Variants in NBEAL1 observed in about 807,000 individuals in gnomAD.
NBEAL1 encodes the protein neurobeachin-like protein 1.
A neutral mutation model predicts 351.3 loss-of-function variants in NBEAL1; 273 were observed. The ratio of observed to expected loss-of-function variants is 0.78; its 90% CI spans 0.70 to 0.86. The LOEUF is 0.86. NBEAL1 is among the 40% of genes least tolerant of loss of function. The probability of loss-of-function intolerance (pLI) is 0.00; values close to 1 mark genes in which losing one functional copy is unlikely to be tolerated. For synonymous variants in NBEAL1, 1,050 were observed against 1,086.4 expected, an observed-to-expected ratio of 0.97 and a Z score of 0.66; for missense variants, 2,961 against 3,201.3, an observed-to-expected ratio of 0.92 and a Z score of 1.81.
chr2:203,099,172 A>T (rs571521125), intron 11 of NBEAL1, among the ~76,000 whole-genome samples: 1 of 151,848 alleles, frequency 6.6e-6, no homozygotes, highest in South Asian at 2.1e-4. Flanking sequence ...GCTACTCAGG[A>T]GGCTGAGGCA....
intron 4 of NBEAL1, among the ~76,000 whole-genome samples, chr2:203,053,078 C>T (rs2106081840): frequency 6.6e-6 from 1 of 152,252 alleles, no homozygotes; most frequent in East Asian, 1.9e-4. Context: ...AAGTTTTCAA[C>T]TCATTTAGGT....
intron 24 of NBEAL1, 60 bp from the exon 25 acceptor site, chr2:203,130,258 C>A: frequency 7.1e-7 from 1 of 1,411,688 alleles, no homozygotes; most frequent in Non-Finnish European, 9.3e-7. Flanking sequence ...GGCTTATGAC[C>A]TTATTTGTGC....
At chr2:203,169,999 C>A (rs933679691) in intron 39 of NBEAL1, 148 bp downstream of exon 39, 4 of 578,456 alleles carry the variant, frequency 6.9e-6, no homozygotes, top group African/African-American at 3.9e-5. Context: ...TCCTTTGTTT[C>A]CCTCACACAG....
chr2:203,064,730 C>T (rs1039006219), intron 6 of NBEAL1, among the ~76,000 whole-genome samples: 1 of 152,140 alleles, frequency 6.6e-6, no homozygotes, highest in Non-Finnish European at 1.5e-5. Flanking sequence ...ACACTGAATG[C>T]AATACCTGAC....
chr2:203,126,596 G>C lies in NBEAL1; in HGVS notation c.3025G>C (p.Val1009Leu). The change falls in exon 22 of 56, where the codon GTT becomes CTT. Residue 1009 changes from valine to leucine, a missense_variant. Val to Leu is a conservative substitution (Grantham distance 32). Coordinates refer to ENST00000683969, the MANE Select transcript of NBEAL1 (RefSeq NM_001378026.1). Reference protein sequence around the residue: ...TLMDVNVLMAVQLLIEQVSLE... With the variant: ...TLMDVNVLMALQLLIEQVSLE... ...GATGGATGTTAATGTGTTGATGGCA[G>C]TTCAGTTACTAATTGAACAAGTATC... The C allele has an allele frequency of 6.6e-7, 1 of 1,513,638 alleles. No homozygotes were observed. Among genetic ancestry groups the C allele is most frequent in the Non-Finnish European group, 8.8e-7 (1 of 1,131,438 alleles). The allele number at this position is 1,513,638 out of a possible 1,614,324, so 93.8% of individuals were successfully genotyped here. A position where few individuals can be genotyped will look rare whatever the true frequency, so the allele number is the denominator to read the frequency against.
intron 53 of NBEAL1, among the ~76,000 whole-genome samples, chr2:203,210,136 G>A (rs191926995): frequency 0.012 from 1,831 of 152,166 alleles, 15 homozygotes; most frequent in Non-Finnish European, 0.019. Context: ...GCTGAGGTGG[G>A]TGGATCACCT....
intron 51 of NBEAL1, 78 bp from the exon 52 acceptor site, chr2:203,208,559 T>A: frequency 2.1e-6 from 2 of 962,850 alleles, no homozygotes; most frequent in Admixed American, 4.3e-5. Context: ...GATTAGAAGG[T>A]TTAAATGCAA....
At chr2:203,063,836 G>A (rs977666825) in intron 6 of NBEAL1, among the ~76,000 whole-genome samples, 1 of 152,092 alleles carries the variant, frequency 6.6e-6, no homozygotes, top group Admixed American at 6.6e-5. Context: ...AAATTTATGA[G>A]TTCATACCAG....
At chr2:203,148,959 T>G in intron 33 of NBEAL1, 32 bp from the exon 34 acceptor site, 1 of 1,577,642 alleles carries the variant, frequency 6.3e-7, no homozygotes, top group Non-Finnish European at 8.6e-7. Context: ...AATATATGAG[T>G]CAATGACCTT....
chr2:203,029,268 G>A (rs1200456145), intron 2 of NBEAL1, among the ~76,000 whole-genome samples: 1 of 152,100 alleles, frequency 6.6e-6, no homozygotes, highest in Non-Finnish European at 1.5e-5. Context: ...GGGATTACAG[G>A]CATGAGCCCC....
chr2:203,223,334 A>G lies in NBEAL1; in HGVS notation c.*5980A>G, dbSNP rs2105869408. 6.6e-6 allele frequency among the ~76,000 whole-genome samples: 1 copy of G among 152,252 alleles called. No homozygotes were observed. Among genetic ancestry groups the G allele is most frequent in the Middle Eastern group, 3.4e-3 (1 of 292 alleles). ...GGTTTTCATGTTTCCTTGGAAACAT[A>G]TTTTGCAAATATAACAATAATAGTA... On this transcript the variant is annotated 3_prime_UTR_variant, in exon 56 of 56. Transcript: ENST00000683969.
intron 33 of NBEAL1, among the ~76,000 whole-genome samples, chr2:203,145,520 G>A (rs1020511658): frequency 6.6e-6 from 1 of 152,066 alleles, no homozygotes; most frequent in Non-Finnish European, 1.5e-5. Context: ...AGAAATGGCC[G>A]GGCGAGGTGG....
intron 2 of NBEAL1, 58 bp from the exon 3 acceptor site, chr2:203,041,707 A>G (rs1224847930): frequency 1.7e-5 from 20 of 1,181,344 alleles, no homozygotes; most frequent in Non-Finnish European, 2.4e-5. Context: ...ATAGGTGTAG[A>G]AGCATTTTTT....
chr2:203,114,068 C>G (rs1399765375), intron 17 of NBEAL1, among the ~76,000 whole-genome samples: 1 of 152,096 alleles, frequency 6.6e-6, no homozygotes, highest in Non-Finnish European at 1.5e-5. Flanking sequence ...GTGATCCGCC[C>G]ACCTCAGCCT....
intron 3 of NBEAL1, 89 bp downstream of exon 3, chr2:203,041,945 A>AT (rs1439590324): frequency 3.1e-5 from 26 of 831,270 alleles, no homozygotes; most frequent in Non-Finnish European, 4.8e-5. Flanking sequence ...AAGGATGGCA[A>AT]TTATGTTACC....
At chr2:203,065,004 TC>T in intron 6 of NBEAL1, among the ~76,000 whole-genome samples, 1 of 152,320 alleles carries the variant, frequency 6.6e-6, no homozygotes, top group East Asian at 1.9e-4. Flanking sequence ...ATGCCTGTAA[TC>T]CTAACACTTT....
intron 35 of NBEAL1, among the ~76,000 whole-genome samples, chr2:203,155,356 T>C (rs1363137374): frequency 6.6e-6 from 1 of 152,196 alleles, no homozygotes; most frequent in Admixed American, 6.5e-5. Context: ...GTCCTCACCT[T>C]GCTTCCATTG....
chr2:203,087,090 CTTTTTTTTTTTT>C (rs1003638123), intron 10 of NBEAL1, among the ~76,000 whole-genome samples: 8 of 121,050 alleles, frequency 6.6e-5, no homozygotes, highest in East Asian at 2.4e-4. Context: ...CTTTTTCACT[CTTTTTTTTTTTT>C]TTTTTTTTTT....
chr2:203,213,634 G>T lies in NBEAL1; in HGVS notation c.8051G>T (p.Gly2684Val). ...GAAGATGGCAAATTGATTGTAGTGG[G>T]TGTTGGCAAGCCTGCTGAGGTAAAA... ...GLEDGKLIVV[G>V]VGKPAEMRSG... Residue 2684 changes from glycine to valine, a missense_variant, in exon 55 of 56, where the codon GGT (glycine) becomes GTT (valine). Coordinates refer to ENST00000683969, the MANE Select transcript of NBEAL1 (RefSeq NM_001378026.1). 1 of 1,613,950 alleles carries T rather than the reference G, an allele frequency of 6.2e-7. No individual in the cohort carries two copies. Among genetic ancestry groups the T allele is most frequent in the Non-Finnish European group, 8.5e-7 (1 of 1,179,954 alleles).
Sources: allele counts gnomAD v4.1 joint callset (sites outside exome capture counted in the v4.1 genomes callset), GRCh38; gene constraint gnomAD v4.1.1; transcripts MANE v1.5; gene names NCBI Gene and HGNC (gene_info 2026-07-23, HGNC 2026-07-21).